The following ALK variants were observed in gnomAD, a reference collection of about 807,000 sequenced individuals.
The protein encoded by ALK is ALK receptor tyrosine kinase.
In ALK, 74 loss-of-function variants were observed where a neutral mutation model predicts 163.1. That is an observed-to-expected ratio of 0.45 (90% CI 0.38 to 0.55). ALK has a LOEUF of 0.55. ALK is among the 20% of genes least tolerant of loss of function. ALK has a pLI of 0.00. For synonymous variants in ALK, 960 were observed against 843.2 expected (o/e 1.14, Z -2.40); for missense variants, 2,063 against 2,105.3 (o/e 0.98, Z 0.39).
intron 13 of ALK, among the ~76,000 whole-genome samples, chr2:29,236,218 C>T (rs1664377486): frequency 6.6e-6 from 1 of 152,102 alleles, no homozygotes; most frequent in Non-Finnish European, 1.5e-5. Context: ...CCTGGACTTG[C>T]CTCCTCATCT....
At chr2:29,861,013 A>T (rs1376742063) in intron 1 of ALK, among the ~76,000 whole-genome samples, 1 of 152,186 alleles carries the variant, frequency 6.6e-6, no homozygotes, top group African/African-American at 2.4e-5. Flanking sequence ...TCTACAAAAA[A>T]ATAAAAAAAG....
chr2:29,728,171 CA>C (rs1679628509), intron 1 of ALK, among the ~76,000 whole-genome samples: 1 of 152,214 alleles, frequency 6.6e-6, no homozygotes, highest in Admixed American at 6.5e-5. Flanking sequence ...GTGCCTATTA[CA>C]CACGGTGCCC....
intron 4 of ALK, among the ~76,000 whole-genome samples, chr2:29,452,411 T>C (rs908944422): frequency 3.3e-5 from 5 of 151,522 alleles, no homozygotes; most frequent in African/African-American, 9.7e-5. Flanking sequence ...TGATGTGCCC[T>C]CTAAAGTAGA....
chr2:29,865,362 G>A (rs1199115914), intron 1 of ALK, among the ~76,000 whole-genome samples: 2 of 152,224 alleles, frequency 1.3e-5, no homozygotes, highest in East Asian at 3.9e-4. Flanking sequence ...TGGGTCCCCA[G>A]AGCACACTGA....
chr2:29,535,413 T>C (rs1673226394), intron 3 of ALK, among the ~76,000 whole-genome samples: 3 of 152,274 alleles, frequency 2.0e-5, no homozygotes, highest in Admixed American at 6.5e-5. Context: ...CCAAGGGTCA[T>C]GAACTTAGAG....
intron 1 of ALK, among the ~76,000 whole-genome samples, chr2:29,812,233 G>A (rs373554050): frequency 2.6e-5 from 4 of 152,182 alleles, no homozygotes; most frequent in South Asian, 2.1e-4. Context: ...TAAGCCTGCC[G>A]GGGTGGGGGA....
At chr2:29,900,836 C>A (rs1381893861) in intron 1 of ALK, among the ~76,000 whole-genome samples, 13 of 151,992 alleles carry the variant, frequency 8.6e-5, no homozygotes, top group African/African-American at 2.7e-4. Flanking sequence ...AGGTAGAGAA[C>A]AAGAGAAAAG....
intron 1 of ALK, among the ~76,000 whole-genome samples, chr2:29,870,206 C>T (rs546288235): frequency 6.6e-6 from 1 of 152,050 alleles, no homozygotes; most frequent in East Asian, 1.9e-4. Flanking sequence ...AAAGACATAC[C>T]TGAGACTGGG....
chr2:29,379,663 A>T (rs1406500053), intron 5 of ALK, among the ~76,000 whole-genome samples: 1 of 152,074 alleles, frequency 6.6e-6, no homozygotes, highest in Non-Finnish European at 1.5e-5. Flanking sequence ...CTGATGTGGG[A>T]GGCAATAAGA....
intron 5 of ALK, among the ~76,000 whole-genome samples, chr2:29,343,745 G>C (rs1314517532): frequency 6.6e-6 from 1 of 152,122 alleles, no homozygotes; most frequent in South Asian, 2.1e-4. Context: ...AAAGCATATG[G>C]GGAGACTCTC....
chr2:29,518,678 G>A (rs563528401), intron 4 of ALK, among the ~76,000 whole-genome samples: 2 of 152,262 alleles, frequency 1.3e-5, no homozygotes, highest in East Asian at 3.9e-4. Context: ...TGAACAATAT[G>A]GCTGTGGCAA....
At position 29,220,848 on chromosome 2, in the gene ALK, GAGGGATGTAACCAAA is replaced by G. The variant is rs2148166778; in HGVS notation, c.3516-28_3516-14del. 1 of 1,613,960 alleles carries G rather than the reference GAGGGATGTAACCAAA, an allele frequency of 6.2e-7. No homozygotes were observed. Among genetic ancestry groups the G allele is most frequent in the Non-Finnish European group, 8.5e-7 (1 of 1,179,840 alleles). ...GTGGTTGAATTTGCTGCAGAGCAGA[GAGGGATGTAACCAAA>G]ATTAACTGAGCTGAGTCTGGGCAAA... On this transcript the variant is annotated splice_polypyrimidine_tract_variant and intron_variant, in intron 22 of 28. Coordinates refer to ENST00000389048, the MANE Select transcript of ALK (RefSeq NM_004304.5).
intron 4 of ALK, among the ~76,000 whole-genome samples, chr2:29,416,023 A>T (rs143786661): frequency 1.6e-3 from 249 of 152,280 alleles, no homozygotes; most frequent in African/African-American, 5.9e-3. Flanking sequence ...CCCCGACTAC[A>T]TTAAACCACC....
chr2:29,196,998 C>A (rs1427431050), intron 27 of ALK, 138 bp from the exon 28 acceptor site: 3 of 702,466 alleles, frequency 4.3e-6, no homozygotes, highest in African/African-American at 1.8e-5. Context: ...CTATGCTGCC[C>A]CCTGCTGATT....
chr2:29,849,855 C>T (rs1192225842), intron 1 of ALK, among the ~76,000 whole-genome samples: 1 of 151,896 alleles, frequency 6.6e-6, no homozygotes. Context: ...TCTGGTAGTG[C>T]CCTCCCCCCT....
In ALK at chr2:29,626,048, C is replaced by A. The variant is rs555636531; in HGVS notation, c.952+68802G>T. 7.2e-5 allele frequency among the ~76,000 whole-genome samples: 11 copies of A among 152,322 alleles called. No homozygotes were observed. The South Asian group carries it at 2.3e-3, about 32-fold the overall frequency. On this transcript the variant is annotated intron_variant, in intron 3 of 28. Transcript: ENST00000389048. ...AAACAACCCATGCAAAGGCAAAGAACTGAGAAGCCACACAGGGCTCTAAGA... is the reference window on the plus strand; with the variant it reads ...AAACAACCCATGCAAAGGCAAAGAAATGAGAAGCCACACAGGGCTCTAAGA...
At chr2:29,495,211 C>G (rs943442935) in intron 4 of ALK, among the ~76,000 whole-genome samples, 3 of 152,204 alleles carry the variant, frequency 2.0e-5, no homozygotes, top group Non-Finnish European at 4.4e-5. Context: ...TCCCTGCCTG[C>G]TTCGTGCTGC....
At chr2:29,696,550 A>G (rs1678569334) in intron 2 of ALK, among the ~76,000 whole-genome samples, 6 of 151,522 alleles carry the variant, frequency 4.0e-5, no homozygotes. Flanking sequence ...AAAAAAAAAA[A>G]AAAGAATTCC....
At chr2:29,431,005 T>C (rs1345530500) in intron 4 of ALK, among the ~76,000 whole-genome samples, 1 of 151,902 alleles carries the variant, frequency 6.6e-6, no homozygotes, top group African/African-American at 2.4e-5. Context: ...GCTTTTTTTT[T>C]TTTTTTCTTC....
Sources: gnomAD v4.1 joint callset for allele counts (sites outside exome capture counted in the v4.1 genomes callset) on GRCh38, gnomAD v4.1.1 for gene constraint, MANE v1.5 for transcripts, NCBI Gene and HGNC (gene_info 2026-07-23, HGNC 2026-07-21) for gene names.